The following RBPJL variants were observed in gnomAD, a reference collection of about 807,000 sequenced individuals.
RBPJL encodes the protein recombining binding protein suppressor of hairless-like protein.
Under a neutral mutation model 57.6 loss-of-function variants are expected in RBPJL, and 50 were observed. The ratio of observed to expected loss-of-function variants is 0.87; its 90% CI spans 0.69 to 1.10. RBPJL has a LOEUF of 1.10. Ranked by LOEUF, RBPJL falls within the 50% of genes least tolerant of loss-of-function variation. The pLI, the probability that RBPJL is intolerant of heterozygous loss-of-function variation, is 0.00. For missense variants in RBPJL, 684 were observed against 693.7 expected, an observed-to-expected ratio of 0.99 and a Z score of 0.16; for synonymous variants, 303 against 294.4, an observed-to-expected ratio of 1.03 and a Z score of -0.30.
chr20:45,309,132 C>T (rs529380182), intron 2 of RBPJL, among the ~76,000 whole-genome samples: 3 of 152,006 alleles, frequency 2.0e-5, no homozygotes, highest in African/African-American at 7.2e-5. Context: ...CCCTCCTCAC[C>T]CCCCACCCTG....
At chr20:45,314,687 T>C in intron 9 of RBPJL, 122 bp downstream of exon 9, 1 of 868,250 alleles carries the variant, frequency 1.2e-6, no homozygotes, top group Non-Finnish European at 1.8e-6. Flanking sequence ...CATGGAACAT[T>C]AAAATCATAG....
rs761488782 is a variant in RBPJL, at chr20:45,313,453, C to G, written c.620-15C>G. ...ACCCTCACCCTCACCCTAACCCTGA[C>G]CCTCACCCTCACAGTGTGCATATCC... On this transcript the variant is annotated splice_polypyrimidine_tract_variant and intron_variant, in intron 6 of 11. Transcript: ENST00000343694. 3.1e-6 allele frequency: 5 copies of G among 1,603,894 alleles called. No individual in the cohort carries two copies. The highest frequency in any genetic ancestry group is 4.3e-6 in the Non-Finnish European group (5 of 1,174,526).
At chr20:45,313,423 C>A (rs1434246449) in intron 6 of RBPJL, 45 bp from the exon 7 acceptor site, 7 of 1,537,818 alleles carry the variant, frequency 4.6e-6, no homozygotes, top group African/African-American at 4.1e-5. Flanking sequence ...CTCACCCTAA[C>A]CCTGACCCTC....
chr20:45,309,695 A>G lies in RBPJL; in HGVS notation c.257+3A>G, dbSNP rs1987049314. 6.2e-7 allele frequency: 1 copy of G among 1,613,550 alleles called. No individual in the cohort carries two copies. The highest frequency in any genetic ancestry group is 1.3e-5 in the African/African-American group (1 of 75,044). Reference sequence around the variant, plus strand: ...AAATCATACGGAAATGAGAAGCGGTAGGTGCCTCCGCAGCCCCTCCCAGGT... The same window carrying G: ...AAATCATACGGAAATGAGAAGCGGTGGGTGCCTCCGCAGCCCCTCCCAGGT... On this transcript the variant is annotated splice_donor_region_variant and intron_variant, in intron 3 of 11. Transcript: ENST00000343694.
chr20:45,310,519 A>C (rs549963338), intron 3 of RBPJL, among the ~76,000 whole-genome samples: 5 of 152,024 alleles, frequency 3.3e-5, no homozygotes, highest in Non-Finnish European at 7.4e-5. Flanking sequence ...AGGCAGGATA[A>C]TTGGTTGAAC....
In RBPJL at chr20:45,317,509, A is replaced by C. The variant is rs1987531334; in HGVS notation, c.*550A>C. The C allele has an allele frequency of 6.5e-6, 1 of 153,634 alleles. No homozygotes were observed. Among genetic ancestry groups the C allele is most frequent in the Non-Finnish European group, 1.4e-5 (1 of 69,232 alleles). 9.5% of individuals were successfully genotyped at this position (153,634 alleles called of 1,614,324 possible). A position where few individuals can be genotyped will look rare whatever the true frequency, so the allele number is the denominator to read the frequency against. ...TTCCTGGAATATTAGATCCACCTGG[A>C]GCACCGGGTCTCTCTAAGTCTCACC... On this transcript the variant is annotated 3_prime_UTR_variant, in exon 12 of 12. Coordinates refer to ENST00000343694, the MANE Select transcript of RBPJL (RefSeq NM_014276.4).
rs200370073 is a variant in RBPJL at position 45,314,109 on chromosome 20, G to A, written c.832G>A (p.Val278Ile). Reference protein sequence around the residue: ...YVRYGSLVQLVCTVTGITLPP... With the variant: ...YVRYGSLVQLICTVTGITLPP... ...TCGCTATGGCTCCCTGGTGCAGCTC[G>A]TCTGCACGGTCACCGGCATCACACT... The change falls in exon 8 of 12, where the codon GTC becomes ATC. Residue 278 changes from valine (V) to isoleucine (I), a missense_variant. Val to Ile is a conservative substitution (Grantham distance 29, BLOSUM62 3). Transcript: ENST00000343694. 47 of 1,614,000 alleles carry A rather than the reference G, an allele frequency of 2.9e-5. No individual in the cohort carries two copies. Among genetic ancestry groups the A allele is most frequent in the East Asian group, 4.5e-5 (2 of 44,900 alleles).
At position 45,316,596 on chromosome 20, in the gene RBPJL, G is replaced by T. The variant is rs532005483; in HGVS notation, c.1280+16G>T. On this transcript the variant is annotated intron_variant, in intron 11 of 11. Transcript: ENST00000343694. ...CCATGTACAGGTACGGGGTGGTGAG[G>T]CAGCCTCTCTTGGGCCCCGGGGAGC... The T allele has an allele frequency of 2.0e-6, 3 of 1,518,136 alleles. No individual in the cohort carries two copies. The highest frequency in any genetic ancestry group is 2.7e-6 in the Non-Finnish European group (3 of 1,131,336). The allele number at this position is 1,518,136 out of a possible 1,614,324, so 94.0% of individuals were successfully genotyped here.
At chr20:45,313,389 C>A (rs1328987238) in intron 6 of RBPJL, 79 bp from the exon 7 acceptor site, 28 of 1,244,276 alleles carry the variant, frequency 2.3e-5, no homozygotes, top group Non-Finnish European at 3.0e-5. Flanking sequence ...ACCCTAACCC[C>A]AATCCTAACC....
rs769000104 is a variant in RBPJL, at chr20:45,312,345, A to G, written c.569A>G (p.Lys190Arg). The change falls in exon 6 of 12, where the codon AAG becomes AGG. Residue 190 changes from lysine (K) to arginine (R), a missense_variant. Physicochemically the swap from Lys to Arg is conservative, Grantham distance 26. Coordinates refer to ENST00000343694, the MANE Select transcript of RBPJL (RefSeq NM_014276.4). ...GGTACCTTCCACAGCCGCCTTATCA[A>G]GGTCATCTCGAAGCCCTCGCAGAAG... is the stretch of plus-strand genomic sequence containing the variant. The part of the protein sequence containing the change: ...ELGTFHSRLI[K>R]VISKPSQKKQ... 6.2e-6 allele frequency: 10 copies of G among 1,614,072 alleles called. No homozygotes were observed. In the South Asian group the frequency reaches 9.9e-5, roughly 16 times the overall value.
chr20:45,309,579 G>A lies in RBPJL; in HGVS notation c.144G>A (p.Glu48=), dbSNP rs768292789. 1 of 1,611,252 alleles carries A rather than the reference G, an allele frequency of 6.2e-7. No homozygotes were observed. Among genetic ancestry groups the A allele is most frequent in the Admixed American group, 1.7e-5 (1 of 59,738 alleles). The change falls in exon 3 of 12, where the codon GAG becomes GAA. Residue 48 remains glutamate, a synonymous_variant. Coordinates refer to ENST00000343694, the MANE Select transcript of RBPJL (RefSeq NM_014276.4). ...LPGTWTRSSP[E]HTTILRGGVR... is the part of the protein sequence containing the mutation. ...GCCCTACTCCCAGGTCATCCCCAGAGCACACCACCATTCTGAGGGGAGGCG... is the reference window on the plus strand; with the variant it reads ...GCCCTACTCCCAGGTCATCCCCAGAACACACCACCATTCTGAGGGGAGGCG...
chr20:45,316,805 AC>A lies in RBPJL; in HGVS notation c.1403del (p.Pro468LeufsTer55), dbSNP rs1600722730. On this transcript the variant is annotated frameshift_variant, in exon 12 of 12. Coordinates refer to ENST00000343694, the MANE Select transcript of RBPJL (RefSeq NM_014276.4). LOFTEE classifies it high-confidence loss of function. ...MSLVRADGLF[Y>X]PSAFSFTYTP... ...CTGGTGCGCGCCGACGGGCTCTTCT[AC>A]CCTAGTGCCTTCTCCTTCACCTACA... 1.9e-6 allele frequency: 3 copies of A among 1,613,584 alleles called. No individual in the cohort carries two copies. The highest frequency in any genetic ancestry group is 4.5e-5 in the East Asian group (2 of 44,824).
intron 11 of RBPJL, 30 bp from the exon 12 acceptor site, chr20:45,316,656 G>A: frequency 1.9e-6 from 3 of 1,548,602 alleles, no homozygotes; most frequent in Non-Finnish European, 2.6e-6. Flanking sequence ...CGGAGTCGCC[G>A]CAGCCCTCAC....
In RBPJL at chr20:45,311,678, G is replaced by A; in HGVS notation, c.328+19G>A. ...GATCAAGGTGAGGGCGGAATCAAGG[G>A]CTGCCGGCCGCCTGCTCTGTAGGGA... is the stretch of plus-strand genomic sequence containing the variant. On this transcript the variant is annotated intron_variant, in intron 4 of 11. Coordinates refer to ENST00000343694, the MANE Select transcript of RBPJL (RefSeq NM_014276.4). The A allele has an allele frequency of 1.2e-6, 2 of 1,613,278 alleles. No homozygotes were observed. Among genetic ancestry groups the A allele is most frequent in the Non-Finnish European group, 1.7e-6 (2 of 1,179,566 alleles).
rs1987472241 is a variant in RBPJL at position 45,316,472 on chromosome 20, C to T, written c.1177-5C>T. On this transcript the variant is annotated splice_region_variant and splice_polypyrimidine_tract_variant and intron_variant, in intron 10 of 11. Coordinates refer to ENST00000343694, the MANE Select transcript of RBPJL (RefSeq NM_014276.4). ...CTCACCTCACCTGGTCCCACCCTCC[C>T]CCAGCTGAGCGGCGGGGGCGACGTG... 6.5e-7 allele frequency: 1 copy of T among 1,549,254 alleles called. No homozygotes were observed. The highest frequency in any genetic ancestry group is 1.4e-5 in the African/African-American group (1 of 72,890).
intron 3 of RBPJL, 83 bp from the exon 4 acceptor site, chr20:45,311,506 G>A (rs1987164424): frequency 7.6e-7 from 1 of 1,314,318 alleles, no homozygotes. Flanking sequence ...GGTTCTGCTG[G>A]GTTTATGCTA....
In RBPJL at chr20:45,312,961, T is replaced by C. The variant is rs1339165222; in HGVS notation, c.620-507T>C. Among the ~76,000 whole-genome samples the C allele has an allele frequency of 2.0e-5, 3 of 149,302 alleles. No individual in the cohort carries two copies. The South Asian group carries it at 6.3e-4, about 31-fold the overall frequency. Reference sequence around the variant, plus strand: ...AGGTCGAGGCTGCAGTGAGCTGTGATAGCACCACGGCAGTCCAGCCTGGGT... The same window carrying C: ...AGGTCGAGGCTGCAGTGAGCTGTGACAGCACCACGGCAGTCCAGCCTGGGT... On this transcript the variant is annotated intron_variant, in intron 6 of 11. Transcript: ENST00000343694.
At chr20:45,312,789 A>T (rs1301525838) in intron 6 of RBPJL, among the ~76,000 whole-genome samples, 1 of 151,214 alleles carries the variant, frequency 6.6e-6, no homozygotes, top group Non-Finnish European at 1.5e-5. Context: ...CAGAAGTTCA[A>T]GACTAGCTAG....
intron 1 of RBPJL, 79 bp downstream of exon 1, chr20:45,307,023 A>G (rs1230943120): frequency 1.5e-6 from 1 of 688,504 alleles, no homozygotes; most frequent in Non-Finnish European, 1.8e-6. Flanking sequence ...CCTCCCCACT[A>G]TACAAATAGG....
Sources: allele counts gnomAD v4.1 joint callset (sites outside exome capture counted in the v4.1 genomes callset), GRCh38; gene constraint gnomAD v4.1.1; transcripts MANE v1.5; gene names NCBI Gene and HGNC (gene_info 2026-07-23, HGNC 2026-07-21).